SLC9A4: variants seen among roughly 807,000 people sequenced by gnomAD.
SLC9A4 encodes the protein solute carrier family 9 member A4, also known as sodium/hydrogen exchanger 4.
In SLC9A4, 63 loss-of-function variants were observed where a neutral mutation model predicts 67.4. The ratio of observed to expected loss-of-function variants is 0.93; its 90% CI spans 0.76 to 1.15. The LOEUF is 1.15. SLC9A4 is among the 50% of genes most tolerant of loss of function. The probability of loss-of-function intolerance (pLI) is 0.00; values close to 1 mark genes in which losing one functional copy is unlikely to be tolerated. For synonymous variants in SLC9A4, 393 were observed against 367.2 expected, an observed-to-expected ratio of 1.07 and a Z score of -0.80; for missense variants, 1,089 against 987.7, an observed-to-expected ratio of 1.10 and a Z score of -1.38.
chr2:102,520,472 T>C (rs567270625), intron 9 of SLC9A4, among the ~76,000 whole-genome samples: 1 of 152,372 alleles, frequency 6.6e-6, no homozygotes, highest in South Asian at 2.1e-4. Flanking sequence ...CCTTGGGACC[T>C]GGTCCAAAGT....
chr2:102,513,649 A>C (rs1046738731), intron 7 of SLC9A4, among the ~76,000 whole-genome samples: 2 of 152,210 alleles, frequency 1.3e-5, no homozygotes, highest in Non-Finnish European at 1.5e-5. Flanking sequence ...GGCCATTTAA[A>C]CTTATTGGGT....
rs143692680 is a variant in SLC9A4 at position 102,479,282 on chromosome 2, C to G, written c.700C>G (p.Leu234Val). Reference sequence around the variant, plus strand: ...CATGATGATCTTTGGGGAGGCCCTGCTCAATGATGGCATTACTGTGGTGAG... The same window carrying G: ...CATGATGATCTTTGGGGAGGCCCTGGTCAATGATGGCATTACTGTGGTGAG... ...LYMMIFGEAL[L>V]NDGITVVLYN... Residue 234 changes from leucine (L) to valine (V), a missense_variant, in exon 2 of 12, where the codon CTC becomes GTC. Leu to Val is a conservative substitution (Grantham distance 32). Transcript: ENST00000295269. 29 of 1,611,440 alleles carry G rather than the reference C, an allele frequency of 1.8e-5. No homozygotes were observed. Among genetic ancestry groups the G allele is most frequent in the Non-Finnish European group, 2.5e-5 (29 of 1,179,046 alleles).
At chr2:102,524,942 G>A in intron 9 of SLC9A4, 82 bp from the exon 10 acceptor site, 1 of 1,553,460 alleles carries the variant, frequency 6.4e-7, no homozygotes, top group Non-Finnish European at 8.8e-7. Flanking sequence ...CTGGTCTTAG[G>A]TTCCTGATGT....
At chr2:102,495,778 A>G (rs1684795083) in intron 2 of SLC9A4, among the ~76,000 whole-genome samples, 1 of 152,188 alleles carries the variant, frequency 6.6e-6, no homozygotes, top group Non-Finnish European at 1.5e-5. Context: ...AAGTCTGTTC[A>G]ACAAATGGTA....
intron 5 of SLC9A4, 79 bp downstream of exon 5, chr2:102,508,360 C>A: frequency 1.6e-6 from 2 of 1,285,410 alleles, no homozygotes; most frequent in Non-Finnish European, 2.1e-6. Flanking sequence ...CAAATAAAGG[C>A]ATTTTATCTG....
At chr2:102,509,429 T>C (rs1268205168) in intron 6 of SLC9A4, among the ~76,000 whole-genome samples, 2 of 152,240 alleles carry the variant, frequency 1.3e-5, no homozygotes, top group Non-Finnish European at 2.9e-5. Context: ...ATCTGCCACT[T>C]AATCCTCCTT....
chr2:102,523,544 G>C (rs1346096704), intron 9 of SLC9A4, among the ~76,000 whole-genome samples: 1 of 152,052 alleles, frequency 6.6e-6, no homozygotes, highest in East Asian at 1.9e-4. Context: ...TATTTGTTTG[G>C]ATAAAAATCA....
At chr2:102,475,490 A>G (rs559331498) in intron 1 of SLC9A4, among the ~76,000 whole-genome samples, 2 of 152,290 alleles carry the variant, frequency 1.3e-5, no homozygotes, top group African/African-American at 4.8e-5. Flanking sequence ...TTGGTTTTAT[A>G]TTTGTGTAAA....
chr2:102,515,159 A>C (rs1201979531), intron 8 of SLC9A4, among the ~76,000 whole-genome samples: 1 of 152,090 alleles, frequency 6.6e-6, no homozygotes. Flanking sequence ...TGTTGTCTTC[A>C]GCAGGTAAAA....
In SLC9A4 at chr2:102,491,217, G is replaced by A. The variant is rs530033404; in HGVS notation, c.720+11915G>A. Among the ~76,000 whole-genome samples the A allele has an allele frequency of 2.7e-5, 4 of 150,166 alleles. No homozygotes were observed. The South Asian group carries it at 8.4e-4, about 32-fold the overall frequency. On this transcript the variant is annotated intron_variant, in intron 2 of 11. Coordinates refer to ENST00000295269, the MANE Select transcript of SLC9A4 (RefSeq NM_001011552.4). The stretch of plus-strand genomic sequence containing the variant: ...AAGCAGTACTAATAGCTATTACATT[G>A]TCATTTCGGAGCCTCATCAGGGATG...
At chr2:102,506,827 A>AGGAAACTG (rs1306589698) in intron 4 of SLC9A4, among the ~76,000 whole-genome samples, 2 of 152,140 alleles carry the variant, frequency 1.3e-5, no homozygotes, top group African/African-American at 4.8e-5. Context: ...ATCCTTCATG[A>AGGAAACTG]TCCAGCTCAA....
Position 102,525,402 on chromosome 2 carries a change from C to T in SLC9A4, c.1950+247C>T, listed in dbSNP as rs558845028. Among the ~76,000 whole-genome samples the T allele has an allele frequency of 8.6e-5, 13 of 151,934 alleles. No homozygotes were observed. The South Asian group carries it at 2.5e-3, about 29-fold the overall frequency. ...CTCCACAGTGGGTCAGGGACTGCCA[C>T]ACACTTGGTGTGCTATGAGTCCAGA... On this transcript the variant is annotated intron_variant, in intron 10 of 11. Coordinates refer to ENST00000295269, the MANE Select transcript of SLC9A4 (RefSeq NM_001011552.4).
Position 102,526,293 on chromosome 2 carries a change from C to G in SLC9A4, c.1985C>G (p.Pro662Arg). 6.2e-7 allele frequency: 1 copy of G among 1,613,894 alleles called. No homozygotes were observed. Among genetic ancestry groups the G allele is most frequent in the Non-Finnish European group, 8.5e-7 (1 of 1,179,854 alleles). ...GTKNIRYLSY[P>R]YGNPQSAGRD... Reference sequence around the variant, plus strand: ...AAGAATATCCGCTACCTCTCCTACCCCTACGGGAATCCTCAGTCTGCAGGA... The same window carrying G: ...AAGAATATCCGCTACCTCTCCTACCGCTACGGGAATCCTCAGTCTGCAGGA... The change falls in exon 11 of 12, where the codon CCC becomes CGC. Residue 662 changes from proline (P) to arginine (R), a missense_variant. By Grantham distance (103) the Pro-to-Arg change is moderately radical. Transcript: ENST00000295269.
rs746929322 is a variant in SLC9A4 at position 102,478,861 on chromosome 2, GC to G, written c.281del (p.Pro94GlnfsTer74). On this transcript the variant is annotated frameshift_variant, in exon 2 of 12. Transcript: ENST00000295269. LOFTEE classifies it high-confidence loss of function. The part of the protein sequence containing the change: ...KIGFHLYHRL[P>X]GLMPESCLLI... Reference sequence around the variant, plus strand: ...CAGGCTTCCACCTCTACCACAGGCTGCCAGGCCTCATGCCAGAAAGCTGCCT... The same window carrying G: ...CAGGCTTCCACCTCTACCACAGGCTGCAGGCCTCATGCCAGAAAGCTGCCT... 1 of 1,614,080 alleles carries G rather than the reference GC, an allele frequency of 6.2e-7. No homozygotes were observed. Among genetic ancestry groups the G allele is most frequent in the East Asian group, 2.2e-5 (1 of 44,878 alleles).
rs145359827 is a variant in SLC9A4, at chr2:102,525,114, G to T, written c.1909G>T (p.Glu637Ter). Residue 637 changes from glutamate (E) to a stop codon, truncating the protein, a stop_gained, in exon 10 of 12, where the codon GAG (glutamate) becomes TAG (stop). Transcript: ENST00000295269. LOFTEE classifies it high-confidence loss of function. ...ILIRRQNTLR[E>*]SMRKGHSLPW... Reference sequence around the variant, plus strand: ...GATCCGCCGCCAGAACACCTTAAGGGAGAGCATGAGGAAAGGTCACAGCCT... The same window carrying T: ...GATCCGCCGCCAGAACACCTTAAGGTAGAGCATGAGGAAAGGTCACAGCCT... The T allele has an allele frequency of 1.2e-4, 195 of 1,614,078 alleles. No individual in the cohort carries two copies. The African/African-American group carries it at 2.3e-3, about 19-fold the overall frequency.
chr2:102,529,161 A>C (rs951706289), intron 11 of SLC9A4, among the ~76,000 whole-genome samples: 3 of 152,250 alleles, frequency 2.0e-5, no homozygotes, highest in Non-Finnish European at 4.4e-5. Context: ...TTGGAAAGAA[A>C]GACAACACTT....
Position 102,519,962 on chromosome 2 carries a change from A to ACTGTC in SLC9A4, c.1818+7_1818+8insCTGTC. 6.2e-7 allele frequency: 1 copy of ACTGTC among 1,612,474 alleles called. No homozygotes were observed. Among genetic ancestry groups the ACTGTC allele is most frequent in the Non-Finnish European group, 8.5e-7 (1 of 1,178,616 alleles). ...GTACCAAGTTCGGCAAAGGGTGTGT[A>ACTGTC]TGAGCCACCTGTGTTGTCCCCATTT... On this transcript the variant is annotated splice_region_variant and intron_variant, in intron 9 of 11. Coordinates refer to ENST00000295269, the MANE Select transcript of SLC9A4 (RefSeq NM_001011552.4).
chr2:102,523,326 G>T (rs1033204899), intron 9 of SLC9A4, among the ~76,000 whole-genome samples: 1 of 151,940 alleles, frequency 6.6e-6, no homozygotes, highest in Non-Finnish European at 1.5e-5. Context: ...ATTTTGTGAG[G>T]GTTACTTTAG....
chr2:102,519,623 G>T (rs1415972167), intron 8 of SLC9A4, among the ~76,000 whole-genome samples: 1 of 152,132 alleles, frequency 6.6e-6, no homozygotes, highest in South Asian at 2.1e-4. Context: ...TTAAAAAAAT[G>T]GGTTGGAATA....
Sources: gnomAD v4.1 joint callset for allele counts (sites outside exome capture counted in the v4.1 genomes callset) on GRCh38, gnomAD v4.1.1 for gene constraint, MANE v1.5 for transcripts, NCBI Gene and HGNC (gene_info 2026-07-23, HGNC 2026-07-21) for gene names.